CTBP2: variants seen among roughly 807,000 people sequenced by gnomAD.
CTBP2 encodes C-terminal binding protein 2, also known as C-terminal-binding protein 2.
A neutral mutation model predicts 80.3 loss-of-function variants in CTBP2; 30 were observed. The observed-to-expected ratio is 0.37, with a 90% CI of 0.28 to 0.51. The LOEUF is 0.51. CTBP2 is among the 20% of genes least tolerant of loss of function. CTBP2 has a pLI of 0.93. For missense variants in CTBP2, 1,212 were observed against 1,375.3 expected, an observed-to-expected ratio of 0.88 and a Z score of 1.88; for synonymous variants, 594 against 587.4, an observed-to-expected ratio of 1.01 and a Z score of -0.16.
chr10:125,083,558 C>A (rs569371795), intron 2 of CTBP2, among the ~76,000 whole-genome samples: 8 of 152,322 alleles, frequency 5.3e-5, no homozygotes, highest in Non-Finnish European at 8.8e-5. Flanking sequence ...GAAAATGCCA[C>A]CAGGATCAAA....
chr10:125,038,184 C>A (rs1480933644), intron 3 of CTBP2, among the ~76,000 whole-genome samples: 1 of 152,192 alleles, frequency 6.6e-6, no homozygotes, highest in African/African-American at 2.4e-5. Flanking sequence ...ATATGGGCAG[C>A]TGCAGGGGAA....
chr10:125,118,655 C>T (rs1438409948), intron 1 of CTBP2, among the ~76,000 whole-genome samples: 5 of 146,464 alleles, frequency 3.4e-5, no homozygotes, highest in African/African-American at 1.3e-4. Flanking sequence ...GCACGACAGT[C>T]CTACTTACAG....
intron 1 of CTBP2, among the ~76,000 whole-genome samples, chr10:125,018,550 AACC>A (rs1289020873): frequency 2.0e-4 from 24 of 117,794 alleles, no homozygotes; most frequent in African/African-American, 8.4e-4. Context: ...AAACCAAACC[AACC>A]AACAAACAAA....
At position 125,091,192 on chromosome 10, in the gene CTBP2, G is replaced by A. The variant is rs117792103; in HGVS notation, c.-102+19798C>T. 3.2e-3 allele frequency among the ~76,000 whole-genome samples: 484 copies of A among 152,270 alleles called. 1 individual carries two copies. Among genetic ancestry groups the A allele is most frequent in the Non-Finnish European group, 5.4e-3 (368 of 68,016 alleles). ...GCAGTAAGAGGGAAAGAAAAGTATT[G>A]GAGAGGCCTACTGGTCTGCAGAGGT... On this transcript the variant is annotated intron_variant, in intron 2 of 10. Transcript: ENST00000337195.
chr10:125,049,285 ACT>A (rs1451247735), intron 2 of CTBP2, among the ~76,000 whole-genome samples: 1 of 152,100 alleles, frequency 6.6e-6, no homozygotes, highest in Non-Finnish European at 1.5e-5. Flanking sequence ...GTCACAGGAC[ACT>A]CTTTCTTACC....
intron 2 of CTBP2, among the ~76,000 whole-genome samples, chr10:125,044,073 G>T (rs1960595378): frequency 6.6e-6 from 1 of 152,136 alleles, no homozygotes; most frequent in South Asian, 2.1e-4. Context: ...AGGTTGAGGC[G>T]ATCCAATGCA....
In CTBP2 at chr10:125,084,498, C is replaced by T. The variant is rs1247554592; in HGVS notation, c.-102+26492G>A. 7.2e-5 allele frequency among the ~76,000 whole-genome samples: 11 copies of T among 152,184 alleles called. No homozygotes were observed. The East Asian group carries it at 7.7e-4, about 11-fold the overall frequency. On this transcript the variant is annotated intron_variant, in intron 2 of 10. Coordinates refer to the CTBP2 transcript ENST00000337195. ...GAGTCCCTACCAGTCCGGAGGCTCC[C>T]GCCCAAACCTTCCCCATCCTCTCTG... is the stretch of plus-strand genomic sequence containing the variant.
intron 1 of CTBP2, among the ~76,000 whole-genome samples, chr10:125,125,912 C>A (rs1337004231): frequency 4.6e-5 from 7 of 152,222 alleles, no homozygotes; most frequent in Non-Finnish European, 1.0e-4. Context: ...GATCCCCAAC[C>A]AACGTTTGTT....
At chr10:125,084,647 A>C (rs1590655404) in intron 2 of CTBP2, among the ~76,000 whole-genome samples, 1 of 152,104 alleles carries the variant, frequency 6.6e-6, no homozygotes, top group African/African-American at 2.4e-5. Context: ...AGACCAGTGA[A>C]GCACTCAGAA....
At position 125,128,320 on chromosome 10, in the gene CTBP2, C is replaced by T. The variant is rs73379123; in HGVS notation, c.-205-17227G>A. 6.4e-3 allele frequency among the ~76,000 whole-genome samples: 971 copies of T among 152,298 alleles called. 6 individuals are homozygous for T. The highest frequency in any genetic ancestry group is 0.022 in the African/African-American group (911 of 41,554). On this transcript the variant is annotated intron_variant, in intron 1 of 10. Transcript: ENST00000337195. ...CCAGGAACACACCAGGTACCAAAGGCCACGACCTTCATTCTTGACTTACTA... is the reference window on the plus strand; with the variant it reads ...CCAGGAACACACCAGGTACCAAAGGTCACGACCTTCATTCTTGACTTACTA...
chr10:125,088,011 G>A (rs527480113), intron 2 of CTBP2, among the ~76,000 whole-genome samples: 10 of 151,978 alleles, frequency 6.6e-5, no homozygotes, highest in African/African-American at 1.2e-4. Flanking sequence ...CACCTCCTTC[G>A]GTGAGCTCTT....
At chr10:125,009,952 C>G (rs1267223674) in intron 1 of CTBP2, among the ~76,000 whole-genome samples, 1 of 152,166 alleles carries the variant, frequency 6.6e-6, no homozygotes, top group East Asian at 1.9e-4. Context: ...GACGTGGGAT[C>G]TAAACAACAA....
chr10:125,085,499 G>A (rs189023327), intron 2 of CTBP2, among the ~76,000 whole-genome samples: 25 of 152,300 alleles, frequency 1.6e-4, no homozygotes, highest in Admixed American at 1.3e-3. Flanking sequence ...GGATTTAGCT[G>A]TCTTAAAGAT....
chr10:125,109,184 G>A (rs903974070), intron 2 of CTBP2, among the ~76,000 whole-genome samples: 31 of 152,212 alleles, frequency 2.0e-4, no homozygotes, highest in Middle Eastern at 3.2e-3. Flanking sequence ...CTTCTGTTTA[G>A]AGAAAATGAT....
At chr10:125,064,514 A>G (rs1844332001) in intron 2 of CTBP2, among the ~76,000 whole-genome samples, 1 of 152,152 alleles carries the variant, frequency 6.6e-6, no homozygotes, top group Non-Finnish European at 1.5e-5. Context: ...AAGGGAAGAG[A>G]GCCCCAACTC....
At chr10:125,160,541 C>G (rs1448814502), upstream of CTBP2, 4 of 149,952 alleles carry the variant, frequency 2.7e-5, no homozygotes, top group Non-Finnish European at 6.0e-5. Flanking sequence ...CACACGCACA[C>G]AGGGACACAC....
upstream of CTBP2, among the ~76,000 whole-genome samples, chr10:125,031,488 C>CAAAAAAA (rs11463934): frequency 0.028 from 942 of 33,690 alleles, 98 homozygotes; most frequent in Middle Eastern, 0.091. Context: ...GACTCCATTT[C>CAAAAAAA]AAAAAAAAAA....
intron 1 of CTBP2, among the ~76,000 whole-genome samples, chr10:125,159,494 T>TGGCGGCGGCGGCAGC (rs1554966063): frequency 2.0e-5 from 3 of 146,416 alleles, no homozygotes; most frequent in Admixed American, 6.7e-5. Context: ...CGCGCGGCAG[T>TGGCGGCGGCGGCAGC]GGCGGCGGCG....
chr10:125,098,674 GAGAGAGA>G (rs1849994260), intron 2 of CTBP2, among the ~76,000 whole-genome samples: 19 of 116,424 alleles, frequency 1.6e-4, no homozygotes, highest in African/African-American at 6.9e-4. Flanking sequence ...GAGAGAGAGA[GAGAGAGA>G]GAGAGAGAGA....
Sources: gnomAD v4.1 joint callset for allele counts (sites outside exome capture counted in the v4.1 genomes callset) on GRCh38, gnomAD v4.1.1 for gene constraint, MANE v1.5 for transcripts, NCBI Gene and HGNC (gene_info 2026-07-23, HGNC 2026-07-21) for gene names.